The following EVL variants were observed in gnomAD, a reference collection of about 807,000 sequenced individuals.
The protein encoded by EVL is Enah/Vasp-like.
In EVL, 21 loss-of-function variants were observed where a neutral mutation model predicts 59.6. That is an observed-to-expected ratio of 0.35 (90% CI 0.25 to 0.51). EVL has a LOEUF of 0.51. EVL is among the 20% of genes least tolerant of loss of function. EVL has a pLI of 0.97. For missense variants in EVL, 462 were observed against 546.6 expected (o/e 0.85, Z 1.54); for synonymous variants, 198 against 203.5 (o/e 0.97, Z 0.23).
chr14:99,994,520 T>C (rs2060899570), intron 1 of EVL, among the ~76,000 whole-genome samples: 1 of 151,238 alleles, frequency 6.6e-6, no homozygotes, highest in Non-Finnish European at 1.5e-5. Context: ...TAATAACAAC[T>C]TCCTTTCTGT....
chr14:100,087,287 C>A (rs1595156534), intron 2 of EVL, among the ~76,000 whole-genome samples: 1 of 152,088 alleles, frequency 6.6e-6, no homozygotes, highest in Non-Finnish European at 1.5e-5. Context: ...GGTGACAAAC[C>A]TAAAGGATTT....
intron 2 of EVL, among the ~76,000 whole-genome samples, chr14:100,086,408 C>T (rs1203620887): frequency 2.0e-5 from 3 of 152,202 alleles, no homozygotes; most frequent in Non-Finnish European, 2.9e-5. Context: ...GCAATACCTC[C>T]ATGTCTTTGA....
intron 1 of EVL, among the ~76,000 whole-genome samples, chr14:99,996,376 C>T (rs904891196): frequency 6.6e-6 from 1 of 152,108 alleles, no homozygotes; most frequent in Non-Finnish European, 1.5e-5. Flanking sequence ...CCATCATCTT[C>T]CTGTGCTCTC....
At chr14:100,065,654 A>G (rs751417850) in intron 1 of EVL, 143 bp downstream of exon 1, 22 of 405,494 alleles carry the variant, frequency 5.4e-5, no homozygotes, top group Middle Eastern at 3.6e-4. Context: ...GGGGGCTTAC[A>G]TGAGGTTACA....
chr14:100,100,234 C>T (rs966868273), intron 3 of EVL, among the ~76,000 whole-genome samples: 10 of 151,784 alleles, frequency 6.6e-5, no homozygotes, highest in African/African-American at 9.7e-5. Flanking sequence ...CTTGTTGAGG[C>T]GGGGGCGGGA....
chr14:100,060,215 G>A (rs1053901878), intron 1 of EVL, among the ~76,000 whole-genome samples: 2 of 151,930 alleles, frequency 1.3e-5, no homozygotes. Context: ...CGGATCACGA[G>A]GTCAGGAGAT....
intron 1 of EVL, among the ~76,000 whole-genome samples, chr14:99,984,359 A>G (rs1048386123): frequency 6.6e-6 from 1 of 152,178 alleles, no homozygotes; most frequent in Non-Finnish European, 1.5e-5. Context: ...TCAAACTTGA[A>G]TATGTGTAGG....
At chr14:99,992,134 A>G (rs576009695) in intron 1 of EVL, among the ~76,000 whole-genome samples, 5 of 152,078 alleles carry the variant, frequency 3.3e-5, no homozygotes, top group Non-Finnish European at 5.9e-5. Context: ...TGTTCTTCTG[A>G]TAATGCTATC....
chr14:99,977,800 A>G (rs2060780397), intron 1 of EVL, among the ~76,000 whole-genome samples: 1 of 152,082 alleles, frequency 6.6e-6, no homozygotes, highest in Non-Finnish European at 1.5e-5. Context: ...TTGGGATCTA[A>G]AAAAGTCATG....
chr14:100,059,253 A>G (rs1006929537), intron 1 of EVL, among the ~76,000 whole-genome samples: 1 of 152,220 alleles, frequency 6.6e-6, no homozygotes, highest in African/African-American at 2.4e-5. Context: ...TAGGACTTTG[A>G]TTCTTGAGAG....
intron 5 of EVL, 62 bp from the exon 6 acceptor site, chr14:100,128,457 A>G: frequency 6.5e-7 from 1 of 1,542,150 alleles, no homozygotes; most frequent in Non-Finnish European, 9.0e-7. Context: ...CTGAGCTGAG[A>G]GCAGCAGGCT....
At chr14:99,996,156 A>AT (rs576041164) in intron 1 of EVL, among the ~76,000 whole-genome samples, 22,144 of 144,112 alleles carry the variant, frequency 0.15, 2,976 homozygotes, top group African/African-American at 0.37. Flanking sequence ...GGGATTTGGG[A>AT]TTTTTTTTTT....
intron 1 of EVL, among the ~76,000 whole-genome samples, chr14:100,044,983 T>G (rs144484693): frequency 2.6e-3 from 397 of 152,218 alleles, no homozygotes; most frequent in African/African-American, 9.0e-3. Flanking sequence ...AAATAAATAC[T>G]GGAGCAAAAG....
intron 1 of EVL, among the ~76,000 whole-genome samples, chr14:100,042,378 C>T (rs2061480415): frequency 1.3e-5 from 2 of 152,318 alleles, no homozygotes; most frequent in South Asian, 4.1e-4. Flanking sequence ...TTAAAAGTGC[C>T]AGGCCAAATA....
intron 1 of EVL, among the ~76,000 whole-genome samples, chr14:100,043,172 C>T (rs921861713): frequency 2.0e-5 from 3 of 151,792 alleles, no homozygotes; most frequent in African/African-American, 4.8e-5. Flanking sequence ...GGTTAGGAAC[C>T]CCTCTGTATT....
intron 1 of EVL, among the ~76,000 whole-genome samples, chr14:100,020,770 C>T (rs926960993): frequency 2.0e-5 from 3 of 152,152 alleles, no homozygotes; most frequent in Non-Finnish European, 2.9e-5. Context: ...AAAGTCGGAC[C>T]GTAAAGGTCG....
chr14:100,129,312 T>C (rs1305170956), intron 6 of EVL, among the ~76,000 whole-genome samples: 1 of 139,836 alleles, frequency 7.2e-6, no homozygotes, highest in East Asian at 2.5e-4. Flanking sequence ...GCAAAGACAC[T>C]AACCATGAGT....
intron 1 of EVL, among the ~76,000 whole-genome samples, chr14:100,053,850 A>G (rs2061684528): frequency 6.6e-6 from 1 of 151,966 alleles, no homozygotes; most frequent in African/African-American, 2.4e-5. Context: ...GGGTTTCACC[A>G]TGTTGCCCAG....
intron 13 of EVL, 32 bp from the exon 14 acceptor site, chr14:100,143,669 C>G: frequency 1.9e-6 from 3 of 1,610,254 alleles, no homozygotes; most frequent in Non-Finnish European, 2.5e-6. Context: ...CTGGTCATGG[C>G]TGCACCTGAG....
Sources: gnomAD v4.1 joint callset for allele counts (sites outside exome capture counted in the v4.1 genomes callset) on GRCh38, gnomAD v4.1.1 for gene constraint, MANE v1.5 for transcripts, NCBI Gene and HGNC (gene_info 2026-07-23, HGNC 2026-07-21) for gene names.